The following EP400 variants were observed in gnomAD, a reference collection of about 807,000 sequenced individuals.
The protein encoded by EP400 is E1A-binding protein p400.
In EP400, 105 loss-of-function variants were observed where a neutral mutation model predicts 354.1. That is an observed-to-expected ratio of 0.30 (90% CI 0.25 to 0.35). The LOEUF (loss-of-function observed/expected upper bound fraction) is 0.35. Ranked by LOEUF, EP400 falls within the 10% of genes least tolerant of loss-of-function variation. The probability of loss-of-function intolerance (pLI) is 1.00; values close to 1 mark genes in which losing one functional copy is unlikely to be tolerated. For missense variants in EP400, 3,280 were observed against 4,121.0 expected (o/e 0.80, Z 5.59); for synonymous variants, 1,646 against 1,716.9 (o/e 0.96, Z 1.02).
chr12:132,001,629 C>A (rs1893418503), intron 12 of EP400, among the ~76,000 whole-genome samples: 1 of 152,172 alleles, frequency 6.6e-6, no homozygotes, highest in Admixed American at 6.5e-5. Context: ...CTTTCCCGGT[C>A]CGCTAAGTAG....
At chr12:131,969,242 G>A (rs1370836366) in intron 2 of EP400, among the ~76,000 whole-genome samples, 1 of 152,022 alleles carries the variant, frequency 6.6e-6, no homozygotes, top group Non-Finnish European at 1.5e-5. Context: ...TACATCTATT[G>A]ACAGTGATAT....
At position 132,053,364 on chromosome 12, in the gene EP400, G is replaced by A; in HGVS notation, c.7495G>A (p.Ala2499Thr). Residue 2499 changes from alanine (A) to threonine (T), a missense_variant, in exon 43 of 53, where the codon GCA (alanine) becomes ACA (threonine). Ala to Thr is a moderately conservative substitution (Grantham distance 58). Transcript: ENST00000389561. ...TCAGGCTCTGGCTGATCAGCAGAAG[G>A]CACAGCAGCCGGCCGTGGCCCAGCC... is the stretch of plus-strand genomic sequence containing the variant. ...EKKALADQQK[A>T]QQPAVAQPPP... is the part of the protein sequence containing the mutation. 2.5e-6 allele frequency: 4 copies of A among 1,576,944 alleles called. No homozygotes were observed. Among genetic ancestry groups the A allele is most frequent in the Non-Finnish European group, 3.4e-6 (4 of 1,169,412 alleles).
At chr12:131,951,476 G>A (rs953738219) in intron 1 of EP400, among the ~76,000 whole-genome samples, 6 of 152,086 alleles carry the variant, frequency 3.9e-5, no homozygotes, top group Non-Finnish European at 5.9e-5. Context: ...CTACCGCGCC[G>A]GGACACGTGG....
At chr12:131,959,407 T>G (rs1289442381) in intron 1 of EP400, among the ~76,000 whole-genome samples, 1 of 152,108 alleles carries the variant, frequency 6.6e-6, no homozygotes, top group Non-Finnish European at 1.5e-5. Flanking sequence ...CTGCTTATCT[T>G]TAGTCCTCCT....
At chr12:131,975,613 GT>G (rs1474014351) in intron 2 of EP400, among the ~76,000 whole-genome samples, 3 of 152,090 alleles carry the variant, frequency 2.0e-5, no homozygotes, top group Non-Finnish European at 2.9e-5. Flanking sequence ...AGGCTGGAGT[GT>G]GGTGGCGTTC....
intron 21 of EP400, among the ~76,000 whole-genome samples, chr12:132,019,157 A>G (rs1401465275): frequency 6.6e-6 from 1 of 152,164 alleles, no homozygotes; most frequent in Non-Finnish European, 1.5e-5. Flanking sequence ...AACAGCACCC[A>G]TTCCAGTGGG....
At chr12:132,072,016 C>G (rs1565936993) in intron 51 of EP400, among the ~76,000 whole-genome samples, 1 of 152,224 alleles carries the variant, frequency 6.6e-6, no homozygotes, top group Admixed American at 6.5e-5. Context: ...GGGTGACTCA[C>G]TGGGTCCTGT....
intron 32 of EP400, among the ~76,000 whole-genome samples, chr12:132,042,200 C>T (rs1894936512): frequency 6.6e-6 from 1 of 152,200 alleles, no homozygotes; most frequent in African/African-American, 2.4e-5. Context: ...ATCTGCCCGC[C>T]TTGGCCTTCC....
intron 1 of EP400, among the ~76,000 whole-genome samples, chr12:131,957,139 G>A (rs1891730066): frequency 6.6e-6 from 1 of 152,084 alleles, no homozygotes; most frequent in Admixed American, 6.5e-5. Context: ...CCAAAGTGCT[G>A]GGATTACAGG....
At chr12:131,985,647 C>T (rs1198993788) in intron 5 of EP400, among the ~76,000 whole-genome samples, 2 of 152,284 alleles carry the variant, frequency 1.3e-5, no homozygotes, top group Middle Eastern at 3.4e-3. Flanking sequence ...TGCTCTTGTT[C>T]CCCATGCTGG....
intron 7 of EP400, 88 bp from the exon 8 acceptor site, chr12:131,989,876 C>T (rs950600026): frequency 6.8e-7 from 1 of 1,478,602 alleles, no homozygotes; most frequent in Non-Finnish European, 9.2e-7. Flanking sequence ...TAATTTTAGT[C>T]TGAGAAGATT....
Position 132,013,380 on chromosome 12 carries a change from T to C in EP400, c.3612-110T>C. 2 of 1,429,660 alleles carry C rather than the reference T, an allele frequency of 1.4e-6. No homozygotes were observed. Among genetic ancestry groups the C allele is most frequent in the Non-Finnish European group, 1.9e-6 (2 of 1,062,804 alleles). 88.6% of individuals were successfully genotyped at this position (1,429,660 alleles called of 1,614,324 possible). A position where few individuals can be genotyped will look rare whatever the true frequency, so the allele number is the denominator to read the frequency against. ...CTTTTCAGGCATGTGCACGTTGACA[T>C]TTGCGGTGTCAAATTACTGTCCCTT... is the stretch of plus-strand genomic sequence containing the variant. On this transcript the variant is annotated intron_variant, in intron 17 of 52. Coordinates refer to ENST00000389561, the MANE Select transcript of EP400 (RefSeq NM_015409.5). The surrounding 1 kb of genome is among the most constrained non-coding windows in gnomAD (Gnocchi z 4.5).
intron 1 of EP400, among the ~76,000 whole-genome samples, chr12:131,953,692 T>C (rs1405898872): frequency 6.6e-6 from 1 of 152,270 alleles, no homozygotes; most frequent in Non-Finnish European, 1.5e-5. Flanking sequence ...AAGGTTTTGT[T>C]AGCATATAGA....
chr12:131,971,951 T>C (rs1355576850), intron 2 of EP400, among the ~76,000 whole-genome samples: 1 of 152,162 alleles, frequency 6.6e-6, no homozygotes, highest in East Asian at 1.9e-4. Flanking sequence ...TTTTATAATT[T>C]CTTTTGTATG....
intron 12 of EP400, among the ~76,000 whole-genome samples, chr12:131,995,955 C>T (rs969357818): frequency 6.6e-6 from 1 of 152,140 alleles, no homozygotes; most frequent in African/African-American, 2.4e-5. Flanking sequence ...CACAGCTTGA[C>T]TGAATGTACC....
At chr12:131,998,221 T>C (rs1394606605) in intron 12 of EP400, among the ~76,000 whole-genome samples, 1 of 152,210 alleles carries the variant, frequency 6.6e-6, no homozygotes, top group East Asian at 1.9e-4. Flanking sequence ...GTTAGGTAAG[T>C]TCTTCTGCCT....
rs1895936329 is a variant in EP400, at chr12:132,067,706, G to T, written c.8874+220G>T. Among the ~76,000 whole-genome samples, 1 of 152,106 alleles carries T rather than the reference G, an allele frequency of 6.6e-6. No homozygotes were observed. The highest frequency in any genetic ancestry group is 2.4e-5 in the African/African-American group (1 of 41,404). ...TGTGACAAGTGAGGCTGAGGTCTTG[G>T]CAGGGGGATGGAGGGGGTATAGTCT... On this transcript the variant is annotated intron_variant, in intron 50 of 52. Transcript: ENST00000389561. This position sits in a 1 kb window ranked among gnomAD's most constrained non-coding sequence, Gnocchi z 5.3.
Position 131,994,075 on chromosome 12 carries a change from G to C in EP400, c.2738-792G>C, listed in dbSNP as rs1003228431. On this transcript the variant is annotated intron_variant, in intron 11 of 52. Coordinates refer to ENST00000389561, the MANE Select transcript of EP400 (RefSeq NM_015409.5). The surrounding 1 kb of genome is among the most constrained non-coding windows in gnomAD (Gnocchi z 4.6). ...AGAGGAGGGGATGGCCAGGCCTGTC[G>C]TGAGCCACCAGGGTGTCGAGTACAG... Among the ~76,000 whole-genome samples, 1 of 152,160 alleles carries C rather than the reference G, an allele frequency of 6.6e-6. No individual in the cohort carries two copies. The highest frequency in any genetic ancestry group is 1.5e-5 in the Non-Finnish European group (1 of 68,038).
At chr12:131,993,531 C>T (rs938235575) in intron 11 of EP400, among the ~76,000 whole-genome samples, 1 of 152,228 alleles carries the variant, frequency 6.6e-6, no homozygotes, top group Non-Finnish European at 1.5e-5. Context: ...TTGACCTCTC[C>T]GCTTTCCTTA....
Sources: gnomAD v4.1 joint callset for allele counts (sites outside exome capture counted in the v4.1 genomes callset) on GRCh38, gnomAD v4.1.1 for gene constraint, Gnocchi (gnomAD v3.1) non-coding constraint, MANE v1.5 for transcripts, NCBI Gene and HGNC (gene_info 2026-07-23, HGNC 2026-07-21) for gene names.